ZBTB4: variants seen among roughly 807,000 people sequenced by gnomAD.
ZBTB4 encodes the protein zinc finger and BTB domain-containing protein 4.
Under a neutral mutation model 59.8 loss-of-function variants are expected in ZBTB4, and 14 were observed. That is an observed-to-expected ratio of 0.23 (90% CI 0.15 to 0.37). The LOEUF (loss-of-function observed/expected upper bound fraction) is 0.37. ZBTB4 is among the 10% of genes least tolerant of loss of function. ZBTB4 has a pLI of 1.00. For missense variants in ZBTB4, 1,198 were observed against 1,380.8 expected, an observed-to-expected ratio of 0.87 and a Z score of 2.10; for synonymous variants, 587 against 575.2, an observed-to-expected ratio of 1.02 and a Z score of -0.29.
rs1597765064 is a variant in ZBTB4, at chr17:7,463,825, G to A, written c.1157C>T (p.Ala386Val). 6.2e-7 allele frequency: 1 copy of A among 1,614,154 alleles called. No individual in the cohort carries two copies. Among genetic ancestry groups the A allele is most frequent in the Non-Finnish European group, 8.5e-7 (1 of 1,180,026 alleles). ...GAGGCCCGGGCTAATGCCGTGGAAG[G>A]CTCGCTGGTGGGTCTTCAGGTTATA... ...TYYNLKTHQR[A>V]FHGISPGLLA... is the part of the protein sequence containing the mutation. The change falls in exon 4 of 4, where the codon GCC becomes GTC. Residue 386 changes from alanine (A) to valine (V), a missense_variant. This residue lies in a region of ZBTB4 where 60 missense variants were observed against 93.0 expected (regional missense o/e 0.64). Coordinates refer to ENST00000380599, the MANE Select transcript of ZBTB4 (RefSeq NM_001128833.2).
At chr17:7,478,080 C>T (rs1268102956) in intron 1 of ZBTB4, among the ~76,000 whole-genome samples, 1 of 152,136 alleles carries the variant, frequency 6.6e-6, no homozygotes, top group Non-Finnish European at 1.5e-5. Flanking sequence ...CACACACAGC[C>T]TGCTTGCGGC....
chr17:7,482,554 C>T (rs369235312), upstream of ZBTB4: 1 of 1,612,510 alleles, frequency 6.2e-7, no homozygotes, highest in African/African-American at 1.3e-5. Flanking sequence ...TCTACACCGC[C>T]CTGGGCTATG....
chr17:7,482,765 A>C, upstream of ZBTB4: 1 of 1,611,834 alleles, frequency 6.2e-7, no homozygotes, highest in South Asian at 1.1e-5. Context: ...GGCAGTGGGG[A>C]TCCTCGCCTT....
rs1372022258 is a variant in ZBTB4 at position 7,463,855 on chromosome 17, G to A, written c.1127C>T (p.Thr376Ile). 1 of 1,614,012 alleles carries A rather than the reference G, an allele frequency of 6.2e-7. No homozygotes were observed. Among genetic ancestry groups the A allele is most frequent in the Non-Finnish European group, 8.5e-7 (1 of 1,179,966 alleles). Residue 376 changes from threonine (T) to isoleucine (I), a missense_variant, in exon 4 of 4, where the codon ACT becomes ATT. Physicochemically the swap from Thr to Ile is moderately conservative, Grantham distance 89. Coordinates refer to ENST00000380599, the MANE Select transcript of ZBTB4 (RefSeq NM_001128833.2). ...CTGGTGGGTCTTCAGGTTATAGTAA[G>A]TGACAAAGGTCTCCCAACAGAAGAT... ...QCIFCWETFV[T>I]YYNLKTHQRA...
At chr17:7,481,642 C>A (rs560820772), upstream of ZBTB4, 6 of 726,138 alleles carry the variant, frequency 8.3e-6, no homozygotes, top group South Asian at 9.5e-5. Flanking sequence ...TAATGGTGTA[C>A]CCAGATGTCT....
Position 7,462,148 on chromosome 17 carries a change from G to A in ZBTB4, c.2834C>T (p.Pro945Leu). ...AGGTAGGACCATGTTGAGAGCAACC[G>A]GGAGAGCGGCCAAGTTACTGAAGTT... ...PYNFSNLAAL[P>L]VALNMVLPDE... The change falls in exon 4 of 4, where the codon CCG becomes CTG. Residue 945 changes from proline to leucine, a missense_variant. Around this residue, in one of 9 missense-constraint regions of ZBTB4, gnomAD observed 211 missense variants for 236.1 expected, o/e 0.89. Coordinates refer to ENST00000380599, the MANE Select transcript of ZBTB4 (RefSeq NM_001128833.2). The surrounding 1 kb of genome is among the most constrained non-coding windows in gnomAD (Gnocchi z 7.5). The A allele has an allele frequency of 6.2e-7, 1 of 1,613,868 alleles. No homozygotes were observed. Among genetic ancestry groups the A allele is most frequent in the Non-Finnish European group, 8.5e-7 (1 of 1,179,888 alleles).
At chr17:7,471,078 C>T (rs1003946948) in intron 1 of ZBTB4, among the ~76,000 whole-genome samples, 4 of 152,160 alleles carry the variant, frequency 2.6e-5, no homozygotes, top group South Asian at 4.1e-4. Flanking sequence ...AGTACTTGGA[C>T]GAGACCTGTC....
In ZBTB4 at chr17:7,463,241, C is replaced by T. The variant is rs777554243; in HGVS notation, c.1741G>A (p.Gly581Ser). The change falls in exon 4 of 4, where the codon GGT (glycine) becomes AGT (serine). Residue 581 changes from glycine to serine, a missense_variant. Gly to Ser is a moderately conservative substitution (Grantham distance 56). Transcript: ENST00000380599. ...CCAGCCCCTGTGGGGGGACCCCCAC[C>T]TCCACCAATCCCGCCCACTGGCTTG... is the stretch of plus-strand genomic sequence containing the variant. ...TAKPVGGIGGGGGPPTGAGRG... is the reference protein window; with the variant it reads ...TAKPVGGIGGSGGPPTGAGRG... 5 of 1,611,624 alleles carry T rather than the reference C, an allele frequency of 3.1e-6. No homozygotes were observed. The highest frequency in any genetic ancestry group is 2.2e-5 in the East Asian group (1 of 44,824).
rs768371107 is a variant in ZBTB4, at chr17:7,463,303, C to T, written c.1679G>A (p.Arg560Gln). 99 of 1,609,530 alleles carry T rather than the reference C, an allele frequency of 6.2e-5. No homozygotes were observed. The Admixed American group carries it at 1.4e-3, about 23-fold the overall frequency. ...CAGAGTCCTTCCAGCCCGTGGATTC[C>T]GGCCCTTGGCCTCCTCCGTGGTGGT... ...MATTTEEAKG[R>Q]NPRAGRTLTY... The change falls in exon 4 of 4, where the codon CGG (arginine) becomes CAG (glutamine). Residue 560 changes from arginine to glutamine, a missense_variant. Arg to Gln is a conservative substitution (Grantham distance 43, BLOSUM62 1). Around this residue, in one of 9 missense-constraint regions of ZBTB4, gnomAD observed 550 missense variants for 541.8 expected, o/e 1.02. Coordinates refer to ENST00000380599, the MANE Select transcript of ZBTB4 (RefSeq NM_001128833.2).
At chr17:7,477,411 C>A (rs1407871236) in intron 1 of ZBTB4, among the ~76,000 whole-genome samples, 1 of 152,210 alleles carries the variant, frequency 6.6e-6, no homozygotes, top group African/African-American at 2.4e-5. Flanking sequence ...TTCACCAGAC[C>A]GTCACTGTGC....
Position 7,460,579 on chromosome 17 carries a change from G to C in ZBTB4, c.*1361C>G, listed in dbSNP as rs1480316287. 7 of 152,318 alleles carry C rather than the reference G, an allele frequency of 4.6e-5. No individual in the cohort carries two copies. Among genetic ancestry groups the C allele is most frequent in the Non-Finnish European group, 8.8e-5 (6 of 68,046 alleles). 9.4% of individuals were successfully genotyped at this position (152,318 alleles called of 1,614,324 possible). ...TTTTTGGGGGGAGGTGGGTGGGATG[G>C]GAAATATTTATCCAATCACAGAGCA... On this transcript the variant is annotated 3_prime_UTR_variant, in exon 4 of 4. Coordinates refer to ENST00000380599, the MANE Select transcript of ZBTB4 (RefSeq NM_001128833.2).
In ZBTB4 at chr17:7,461,631, G is replaced by A. The variant is rs182435232; in HGVS notation, c.*309C>T. The stretch of plus-strand genomic sequence containing the variant: ...CATTCAGAGCTGGTGGGGGCTGTGA[G>A]TAGAGATTCAGGTTAAGTATATTGC... On this transcript the variant is annotated 3_prime_UTR_variant, in exon 4 of 4. Coordinates refer to ENST00000380599, the MANE Select transcript of ZBTB4 (RefSeq NM_001128833.2). 42 of 274,416 alleles carry A rather than the reference G, an allele frequency of 1.5e-4. No individual in the cohort carries two copies. Among genetic ancestry groups the A allele is most frequent in the Non-Finnish European group, 4.1e-5 (6 of 146,170 alleles). The allele number at this position is 274,416 out of a possible 1,614,324, so 17.0% of individuals were successfully genotyped here.
chr17:7,481,431 C>G (rs2070343897), upstream of ZBTB4: 1 of 1,380,386 alleles, frequency 7.2e-7, no homozygotes, highest in Non-Finnish European at 9.4e-7. Flanking sequence ...AGAACCCCAC[C>G]CCCACTCCAA....
At chr17:7,473,264 C>A (rs1457761685) in intron 1 of ZBTB4, among the ~76,000 whole-genome samples, 1 of 151,980 alleles carries the variant, frequency 6.6e-6, no homozygotes, top group East Asian at 1.9e-4. Flanking sequence ...AGGCACCCAC[C>A]ACCACTCCCG....
chr17:7,468,420 C>T (rs538603576), intron 1 of ZBTB4, among the ~76,000 whole-genome samples: 2 of 152,216 alleles, frequency 1.3e-5, no homozygotes, highest in African/African-American at 4.8e-5. Flanking sequence ...ACAACTGAAA[C>T]GCAAGCTCAG....
rs1253151621 is a variant in ZBTB4 at position 7,463,269 on chromosome 17, T to G, written c.1713A>C (p.Thr571=). The G allele has an allele frequency of 6.2e-7, 1 of 1,611,372 alleles. No homozygotes were observed. The highest frequency in any genetic ancestry group is 8.5e-7 in the Non-Finnish European group (1 of 1,179,148). ...NPRAGRTLTY[T]AKPVGGIGGG... ...CACCAATCCCGCCCACTGGCTTGGC[T>G]GTGTAAGTCAGAGTCCTTCCAGCCC... is the stretch of plus-strand genomic sequence containing the variant. The change falls in exon 4 of 4, where the codon ACA becomes ACC. Residue 571 remains threonine (T), a synonymous_variant. Coordinates refer to ENST00000380599, the MANE Select transcript of ZBTB4 (RefSeq NM_001128833.2).
At position 7,461,762 on chromosome 17, in the gene ZBTB4, A is replaced by G; in HGVS notation, c.*178T>C. 1.9e-6 allele frequency: 1 copy of G among 519,762 alleles called. No individual in the cohort carries two copies. The highest frequency in any genetic ancestry group is 3.4e-6 in the Non-Finnish European group (1 of 296,152). The allele number at this position is 519,762 out of a possible 1,614,324, so 32.2% of individuals were successfully genotyped here. A position where few individuals can be genotyped will look rare whatever the true frequency, so the allele number is the denominator to read the frequency against. ...GGGGAACCTCGAAAGATCCCTTCCC[A>G]GGAGATGGGAAAACTACATCTCACA... is the stretch of plus-strand genomic sequence containing the variant. On this transcript the variant is annotated 3_prime_UTR_variant, in exon 4 of 4. Coordinates refer to ENST00000380599, the MANE Select transcript of ZBTB4 (RefSeq NM_001128833.2).
At chr17:7,482,954 A>G (rs1339122139), upstream of ZBTB4, 33 of 1,611,864 alleles carry the variant, frequency 2.0e-5, no homozygotes, top group Non-Finnish European at 2.5e-5. Flanking sequence ...TGCCATCATC[A>G]CAGCCTGGAA....
chr17:7,473,827 G>T (rs549305218), intron 1 of ZBTB4, among the ~76,000 whole-genome samples: 2 of 152,316 alleles, frequency 1.3e-5, no homozygotes, highest in East Asian at 3.9e-4. Flanking sequence ...TGGGATCATA[G>T]TGGAAAGCCA....
Sources: gnomAD v4.1 joint callset for allele counts (sites outside exome capture counted in the v4.1 genomes callset) on GRCh38, gnomAD v4.1.1 for gene constraint, gnomAD v4.1.1 regional missense constraint, Gnocchi (gnomAD v3.1) non-coding constraint, MANE v1.5 for transcripts, NCBI Gene and HGNC (gene_info 2026-07-23, HGNC 2026-07-21) for gene names.